The following CCDC174 variants were observed in gnomAD, a reference collection of about 807,000 sequenced individuals.
CCDC174 encodes coiled-coil domain containing 174, also known as coiled-coil domain-containing protein 174.
CCDC174 carries 37 observed loss-of-function variants against 57.1 expected under a neutral mutation model. The ratio of observed to expected loss-of-function variants is 0.65; its 90% CI spans 0.50 to 0.85. The LOEUF (loss-of-function observed/expected upper bound fraction) is 0.85. CCDC174 is among the 40% of genes least tolerant of loss of function. The pLI is 0.00. For synonymous variants in CCDC174, 182 were observed against 190.2 expected, an observed-to-expected ratio of 0.96 and a Z score of 0.35; for missense variants, 540 against 574.3, an observed-to-expected ratio of 0.94 and a Z score of 0.61.
chr3:14,658,348 G>A (rs921431655), intron 3 of CCDC174, among the ~76,000 whole-genome samples: 5 of 152,302 alleles, frequency 3.3e-5, no homozygotes, highest in Admixed American at 6.5e-5. Flanking sequence ...AAGAGAACTC[G>A]CAGATCATCC....
intron 4 of CCDC174, among the ~76,000 whole-genome samples, 164 bp downstream of exon 4, chr3:14,659,093 A>G (rs373066151): frequency 2.0e-5 from 3 of 152,158 alleles, no homozygotes; most frequent in Admixed American, 1.3e-4. Context: ...TAATTTACCA[A>G]TTGTCTAGTG....
At chr3:14,658,667 G>A (rs561407512) in intron 3 of CCDC174, among the ~76,000 whole-genome samples, 2 of 152,164 alleles carry the variant, frequency 1.3e-5, no homozygotes, top group East Asian at 3.9e-4. Context: ...ATGCACTCAC[G>A]GAGCTTCTGT....
At chr3:14,652,164 C>T (rs2030792216) in intron 1 of CCDC174, among the ~76,000 whole-genome samples, 2 of 152,202 alleles carry the variant, frequency 1.3e-5, no homozygotes, top group African/African-American at 4.8e-5. Flanking sequence ...TGCCTCACCT[C>T]TGCCCTGCCC....
Position 14,665,031 on chromosome 3 carries a change from G to A in CCDC174, c.489G>A (p.Val163=). The A allele has an allele frequency of 6.2e-7, 1 of 1,612,770 alleles. No individual in the cohort carries two copies. The highest frequency in any genetic ancestry group is 1.3e-5 in the African/African-American group (1 of 74,960). Residue 163 remains valine, a synonymous_variant, in exon 6 of 11, where the codon GTG becomes GTA. Transcript: ENST00000383794. ...PPPQDPSEEW[V]DYVDSLGRSR... is the part of the protein sequence containing the mutation. ...CATCTTTTTGCTTTCATTTCAGGGTGGATTACGTGGACTCTTTGGGGCGTT... is the reference window on the plus strand; with the variant it reads ...CATCTTTTTGCTTTCATTTCAGGGTAGATTACGTGGACTCTTTGGGGCGTT...
intron 5 of CCDC174, among the ~76,000 whole-genome samples, chr3:14,663,979 C>G (rs2031234633): frequency 6.6e-6 from 1 of 152,132 alleles, no homozygotes; most frequent in South Asian, 2.1e-4. Flanking sequence ...GGTAGAAAAT[C>G]TTTCCGTAAA....
At chr3:14,665,738 G>A (rs1269030329) in intron 6 of CCDC174, among the ~76,000 whole-genome samples, 1 of 152,128 alleles carries the variant, frequency 6.6e-6, no homozygotes, top group African/African-American at 2.4e-5. Flanking sequence ...GCATAAGAAA[G>A]GGAGAATGGA....
In CCDC174 at chr3:14,671,231, C is replaced by T. The variant is rs367891364; in HGVS notation, c.*37C>T. 2.3e-5 allele frequency: 36 copies of T among 1,553,858 alleles called. No homozygotes were observed. Among genetic ancestry groups the T allele is most frequent in the Non-Finnish European group, 2.6e-5 (30 of 1,140,700 alleles). On this transcript the variant is annotated 3_prime_UTR_variant, in exon 11 of 11. Transcript: ENST00000383794. The stretch of plus-strand genomic sequence containing the variant: ...ACGCTGACTTGGGTTTGTACTTTGA[C>T]AGTGCCTTTCTCTCCCAGAGGGAGA...
At chr3:14,669,643 C>T (rs2031452291) in intron 9 of CCDC174, among the ~76,000 whole-genome samples, 1 of 152,162 alleles carries the variant, frequency 6.6e-6, no homozygotes, top group African/African-American at 2.4e-5. Flanking sequence ...AAAATCCATC[C>T]AGCCCAGCCC....
rs1013157362 is a variant in CCDC174 at position 14,672,516 on chromosome 3, T to G, written c.*1322T>G. 1 of 152,224 alleles carries G rather than the reference T, an allele frequency of 6.6e-6. No individual in the cohort carries two copies. Among genetic ancestry groups the G allele is most frequent in the Non-Finnish European group, 1.5e-5 (1 of 68,050 alleles). 9.4% of individuals were successfully genotyped at this position (152,224 alleles called of 1,614,324 possible). A position where few individuals can be genotyped will look rare whatever the true frequency, so the allele number is the denominator to read the frequency against. ...CTTGTTGCCCTAGTATCAAGCAATCTTAGACAAACATCCTGAATTCTTACA... is the reference window on the plus strand; with the variant it reads ...CTTGTTGCCCTAGTATCAAGCAATCGTAGACAAACATCCTGAATTCTTACA... On this transcript the variant is annotated 3_prime_UTR_variant, in exon 11 of 11. Transcript: ENST00000383794.
rs540276959 is a variant in CCDC174 at position 14,659,599 on chromosome 3, G to C, written c.307+670G>C. Among the ~76,000 whole-genome samples the C allele has an allele frequency of 6.6e-5, 10 of 152,156 alleles. No individual in the cohort carries two copies. In the South Asian group the frequency reaches 2.1e-3, roughly 32 times the overall value. On this transcript the variant is annotated intron_variant, in intron 4 of 10. Transcript: ENST00000383794. ...CATTATTTAGGAGCCTGAGGCTTGA[G>C]CTCAGGACTTTGAGATTACAGTGAG...
chr3:14,665,005 A>C lies in CCDC174; in HGVS notation c.486-23A>C, dbSNP rs778797501. The C allele has an allele frequency of 2.7e-5, 42 of 1,573,548 alleles. 1 individual carries two copies. In the East Asian group the frequency reaches 6.5e-4, roughly 24 times the overall value. Reference sequence around the variant, plus strand: ...TGTACATGTGTACAAGTCCTTCTTCACATCTTTTTGCTTTCATTTCAGGGT... The same window carrying C: ...TGTACATGTGTACAAGTCCTTCTTCCCATCTTTTTGCTTTCATTTCAGGGT... On this transcript the variant is annotated intron_variant, in intron 5 of 10. Transcript: ENST00000383794.
intron 3 of CCDC174, among the ~76,000 whole-genome samples, chr3:14,657,918 C>G (rs1048649189): frequency 1.3e-5 from 2 of 152,172 alleles, no homozygotes; most frequent in African/African-American, 4.8e-5. Context: ...GCTTTGTGTT[C>G]TGTTTGACTT....
At chr3:14,666,204 C>T (rs2031333343) in intron 6 of CCDC174, among the ~76,000 whole-genome samples, 1 of 152,164 alleles carries the variant, frequency 6.6e-6, no homozygotes, top group South Asian at 2.1e-4. Context: ...CAGAGTTCCT[C>T]CTCCCTGCCT....
At position 14,668,488 on chromosome 3, in the gene CCDC174, T is replaced by A. The variant is rs115863094; in HGVS notation, c.952+307T>A. ...GATAAAGTTTAGCTTTGCATATATA[T>A]GTTTTAGACTTAAATTTTTTGCTAT... On this transcript the variant is annotated intron_variant, in intron 9 of 10. Coordinates refer to ENST00000383794, the MANE Select transcript of CCDC174 (RefSeq NM_016474.5). Among the ~76,000 whole-genome samples the A allele has an allele frequency of 8.9e-3, 1,359 of 152,278 alleles. 28 individuals carry two copies. The highest frequency in any genetic ancestry group is 0.031 in the African/African-American group (1,278 of 41,562).
At chr3:14,660,435 C>T (rs1237730157) in intron 4 of CCDC174, among the ~76,000 whole-genome samples, 1 of 152,120 alleles carries the variant, frequency 6.6e-6, no homozygotes, top group African/African-American at 2.4e-5. Context: ...ACCCGCGAGG[C>T]GGAGGTTGCA....
In CCDC174 at chr3:14,651,872, C is replaced by G. The variant is rs372786848; in HGVS notation, c.36C>G (p.Ala12=). The part of the protein sequence containing the change: ...DRRKKPLDVT[A]SSLVDLKAEL... ...GGAAAAAGCCTTTGGACGTCACGGC[C>G]TCCTCGGTGAGTGAGGGTATGAGGT... Residue 12 remains alanine (A), a synonymous_variant, in exon 1 of 11, where the codon GCC becomes GCG. Transcript: ENST00000383794. 4.3e-6 allele frequency: 7 copies of G among 1,613,976 alleles called. No individual in the cohort carries two copies. Among genetic ancestry groups the G allele is most frequent in the Non-Finnish European group, 5.9e-6 (7 of 1,179,978 alleles).
rs2124844060 is a variant in CCDC174 at position 14,665,247 on chromosome 3, A to ATTGG, written c.581+127_581+128insGTTG. On this transcript the variant is annotated intron_variant, in intron 6 of 10. Transcript: ENST00000383794. ...TGCTCCAGTAAGGAGATATTGATTG[A>ATTGG]TTGATTGATTGATTGAAGCACTTTT... is the stretch of plus-strand genomic sequence containing the variant. 3 of 671,036 alleles carry ATTGG rather than the reference A, an allele frequency of 4.5e-6. No individual in the cohort carries two copies. In the South Asian group the frequency reaches 5.3e-5, roughly 12 times the overall value. The allele number at this position is 671,036 out of a possible 1,614,324, so 41.6% of individuals were successfully genotyped here. A position where few individuals can be genotyped will look rare whatever the true frequency, so the allele number is the denominator to read the frequency against.
At chr3:14,661,470 T>G (rs1482349700) in intron 4 of CCDC174, 60 bp from the exon 5 acceptor site, 7 of 1,461,054 alleles carry the variant, frequency 4.8e-6, no homozygotes, top group Admixed American at 2.0e-5. Context: ...TGACTGCTTC[T>G]TGTCCATTCC....
At chr3:14,655,121 G>A (rs186015518) in intron 2 of CCDC174, among the ~76,000 whole-genome samples, 4 of 152,182 alleles carry the variant, frequency 2.6e-5, no homozygotes, top group Middle Eastern at 3.4e-3. Flanking sequence ...TTCGAGACCC[G>A]CCTGAGCAAC....
Sources: gnomAD v4.1 joint callset for allele counts (sites outside exome capture counted in the v4.1 genomes callset) on GRCh38, gnomAD v4.1.1 for gene constraint, MANE v1.5 for transcripts, NCBI Gene and HGNC (gene_info 2026-07-23, HGNC 2026-07-21) for gene names.